The following ZNF420 variants were observed in gnomAD, a reference collection of about 807,000 sequenced individuals.
ZNF420 encodes the protein zinc finger protein 420, also known as ATM and p53-associated KZNF protein.
A neutral mutation model predicts 44.7 loss-of-function variants in ZNF420; 31 were observed. The observed-to-expected ratio is 0.69, with a 90% CI of 0.52 to 0.94. The LOEUF (loss-of-function observed/expected upper bound fraction) is 0.94, where lower values mean the gene tolerates loss of function less well. ZNF420 is among the 40% of genes least tolerant of loss of function. ZNF420 has a pLI of 0.00. For synonymous variants in ZNF420, 245 were observed against 267.4 expected, an observed-to-expected ratio of 0.92 and a Z score of 0.82; for missense variants, 681 against 827.9, an observed-to-expected ratio of 0.82 and a Z score of 2.18.
Position 37,078,475 on chromosome 19 carries a change from A to C in ZNF420, c.-220A>C, listed in dbSNP as rs1968234569. On this transcript the variant is annotated 5_prime_UTR_variant, in exon 1 of 5. Coordinates refer to ENST00000337995, the MANE Select transcript of ZNF420 (RefSeq NM_144689.5). Reference sequence around the variant, plus strand: ...CGTGGGGAGAGGGCCGCGTCTGTGGAGGAGCTTGGCTCCGCACCTGCTGGG... The same window carrying C: ...CGTGGGGAGAGGGCCGCGTCTGTGGCGGAGCTTGGCTCCGCACCTGCTGGG... 1 of 152,266 alleles carries C rather than the reference A, an allele frequency of 6.6e-6. No individual in the cohort carries two copies. Among genetic ancestry groups the C allele is most frequent in the Non-Finnish European group, 1.5e-5 (1 of 68,126 alleles). 9.4% of individuals were successfully genotyped at this position (152,266 alleles called of 1,614,324 possible).
chr19:37,047,818 C>A (rs1449916560), intron 1 of ZNF420, among the ~76,000 whole-genome samples: 1 of 152,126 alleles, frequency 6.6e-6, no homozygotes, highest in Non-Finnish European at 1.5e-5. Flanking sequence ...ATTTCCTTTC[C>A]AATTGTAACT....
chr19:37,125,434 T>C (rs542888778), intron 4 of ZNF420, among the ~76,000 whole-genome samples: 107 of 152,298 alleles, frequency 7.0e-4, no homozygotes, highest in Non-Finnish European at 1.4e-3. Context: ...GGAGGTGCTT[T>C]TGTTTCTATG....
chr19:37,021,323 A>C (rs1271307949), intron 1 of ZNF420, among the ~76,000 whole-genome samples: 1 of 151,748 alleles, frequency 6.6e-6, no homozygotes, highest in East Asian at 1.9e-4. Flanking sequence ...GCTGGAGTGC[A>C]ATGGTGCTAT....
intron 4 of ZNF420, among the ~76,000 whole-genome samples, chr19:37,103,847 A>G (rs1170649111): frequency 6.6e-6 from 1 of 152,206 alleles, no homozygotes; most frequent in Non-Finnish European, 1.5e-5. Context: ...TAAAAGGAAA[A>G]AAAACAAAAC....
upstream of ZNF420, among the ~76,000 whole-genome samples, chr19:37,076,362 TTTTTTA>T (rs947560505): frequency 1.2e-3 from 176 of 148,824 alleles, no homozygotes; most frequent in African/African-American, 4.1e-3. Context: ...GACATAATTC[TTTTTTA>T]TTTTTATTTT....
intron 1 of ZNF420, among the ~76,000 whole-genome samples, chr19:37,051,515 T>A (rs1967638610): frequency 6.6e-6 from 1 of 152,358 alleles, no homozygotes; most frequent in South Asian, 2.1e-4. Flanking sequence ...TTAGAGGTGC[T>A]TATAGTATTC....
chr19:37,071,527 G>A (rs947401353), intron 1 of ZNF420, among the ~76,000 whole-genome samples: 1 of 152,320 alleles, frequency 6.6e-6, no homozygotes, highest in South Asian at 2.1e-4. Context: ...TTGGCTGGGC[G>A]TGGTGGCTCA....
chr19:37,077,521 A>T (rs1440645837), upstream of ZNF420, among the ~76,000 whole-genome samples: 1 of 152,236 alleles, frequency 6.6e-6, no homozygotes, highest in African/African-American at 2.4e-5. Flanking sequence ...TCTTCCCGAT[A>T]ACACATATAT....
At chr19:37,035,888 A>G (rs1967345976) in intron 1 of ZNF420, among the ~76,000 whole-genome samples, 1 of 152,234 alleles carries the variant, frequency 6.6e-6, no homozygotes. Context: ...GCTTCTCAAA[A>G]GAATATCAGA....
intron 1 of ZNF420, among the ~76,000 whole-genome samples, chr19:37,055,572 G>A (rs1967728954): frequency 6.6e-6 from 1 of 152,234 alleles, no homozygotes; most frequent in Non-Finnish European, 1.5e-5. Flanking sequence ...AGGGGCTACA[G>A]CCTGACTTCC....
chr19:37,064,638 A>G (rs1967934726), intron 1 of ZNF420, among the ~76,000 whole-genome samples: 1 of 152,174 alleles, frequency 6.6e-6, no homozygotes, highest in Non-Finnish European at 1.5e-5. Flanking sequence ...TCCCCCCTAG[A>G]AGAAGCCACT....
chr19:37,014,818 C>T (rs2074598002), intron 1 of ZNF420, among the ~76,000 whole-genome samples: 1 of 152,168 alleles, frequency 6.6e-6, no homozygotes, highest in Non-Finnish European at 1.5e-5. Context: ...GCTGATGTCT[C>T]TCCTCTCTGA....
intron 1 of ZNF420, among the ~76,000 whole-genome samples, chr19:37,063,548 C>G (rs1265304333): frequency 6.6e-6 from 1 of 151,712 alleles, no homozygotes; most frequent in African/African-American, 2.4e-5. Flanking sequence ...AGATCTCCCC[C>G]CTCCCCCGCC....
At chr19:37,103,660 C>A (rs796555593) in intron 4 of ZNF420, among the ~76,000 whole-genome samples, 17 of 152,270 alleles carry the variant, frequency 1.1e-4, no homozygotes, top group African/African-American at 3.8e-4. Context: ...AACATGTAAC[C>A]TTTTTGTGCC....
At position 37,090,977 on chromosome 19, in the gene ZNF420, T is replaced by A. The variant is rs1007389071; in HGVS notation, c.10-18T>A. The A allele has an allele frequency of 4.4e-6, 7 of 1,596,288 alleles. No homozygotes were observed. The highest frequency in any genetic ancestry group is 6.0e-6 in the Non-Finnish European group (7 of 1,174,660). ...ATTTTTTAAATTTCCAAAATTAACATTTTGTTTGTTGTTTCAGAAATTAGT... is the reference window on the plus strand; with the variant it reads ...ATTTTTTAAATTTCCAAAATTAACAATTTGTTTGTTGTTTCAGAAATTAGT... On this transcript the variant is annotated intron_variant, in intron 3 of 4. Transcript: ENST00000337995.
At chr19:37,033,354 A>G (rs573311878) in intron 1 of ZNF420, among the ~76,000 whole-genome samples, 51 of 152,252 alleles carry the variant, frequency 3.3e-4, no homozygotes, top group Non-Finnish European at 6.2e-4. Flanking sequence ...CCTTTAAACA[A>G]TAGCCCTTCA....
intron 1 of ZNF420, among the ~76,000 whole-genome samples, chr19:37,057,395 G>A (rs1967777542): frequency 6.6e-6 from 1 of 152,000 alleles, no homozygotes; most frequent in Non-Finnish European, 1.5e-5. Flanking sequence ...AGCCTCAGGG[G>A]TTGCCTGGGG....
At chr19:37,077,087 T>A (rs1420723770), upstream of ZNF420, among the ~76,000 whole-genome samples, 1 of 152,224 alleles carries the variant, frequency 6.6e-6, no homozygotes, top group Non-Finnish European at 1.5e-5. Flanking sequence ...TTATACTCTA[T>A]CTTCTCTGTG....
intron 2 of ZNF420, among the ~76,000 whole-genome samples, chr19:37,084,636 C>T (rs927161034): frequency 1.3e-5 from 2 of 151,928 alleles, no homozygotes; most frequent in Non-Finnish European, 2.9e-5. Context: ...GTAGAATTTA[C>T]CAGTAAAGCC....
Sources: allele counts gnomAD v4.1 joint callset (sites outside exome capture counted in the v4.1 genomes callset), GRCh38; gene constraint gnomAD v4.1.1; transcripts MANE v1.5; gene names NCBI Gene and HGNC (gene_info 2026-07-23, HGNC 2026-07-21).